Variants in ZNF407 observed in about 807,000 individuals in gnomAD.
ZNF407 encodes the protein zinc finger protein 407.
In ZNF407, 17 loss-of-function variants were observed where a neutral mutation model predicts 131.2. That is an observed-to-expected ratio of 0.13 (90% CI 0.09 to 0.19). The LOEUF is 0.19. Among genes scored for constraint, ZNF407 ranks in the 10% least tolerant of loss-of-function variants. The pLI, the probability that ZNF407 is intolerant of heterozygous loss-of-function variation, is 1.00. For missense variants in ZNF407, 2,681 were observed against 2,830.6 expected (o/e 0.95, Z 1.20); for synonymous variants, 1,156 against 1,062.0 (o/e 1.09, Z -1.72).
chr18:74,801,593 T>C (rs74948340), intron 4 of ZNF407, among the ~76,000 whole-genome samples: 1,675 of 152,354 alleles, frequency 0.011, 29 homozygotes, highest in African/African-American at 0.037. Context: ...TATCTACTTA[T>C]CCCACCTGTA....
chr18:74,664,311 C>T (rs1472142312), intron 3 of ZNF407, among the ~76,000 whole-genome samples: 5 of 152,174 alleles, frequency 3.3e-5, no homozygotes, highest in African/African-American at 1.2e-4. Context: ...GCCAGCCTGG[C>T]CAACATGGTG....
intron 8 of ZNF407, among the ~76,000 whole-genome samples, chr18:74,936,038 A>G (rs542715965): frequency 6.6e-6 from 1 of 152,362 alleles, no homozygotes; most frequent in East Asian, 1.9e-4. Context: ...GGTTTTAGAT[A>G]TAATTCTGTG....
intron 3 of ZNF407, among the ~76,000 whole-genome samples, chr18:74,652,907 C>T (rs756407667): frequency 1.3e-5 from 2 of 151,956 alleles, no homozygotes; most frequent in Non-Finnish European, 2.9e-5. Flanking sequence ...CATTTCAAAT[C>T]AGTCATATAA....
At chr18:74,930,424 A>T (rs1271093874) in intron 8 of ZNF407, among the ~76,000 whole-genome samples, 1 of 152,124 alleles carries the variant, frequency 6.6e-6, no homozygotes, top group Non-Finnish European at 1.5e-5. Flanking sequence ...TCTTGGAGAG[A>T]GCCTTTCAGA....
intron 1 of ZNF407, among the ~76,000 whole-genome samples, chr18:74,619,474 C>T (rs1381631078): frequency 2.6e-5 from 4 of 152,136 alleles, no homozygotes; most frequent in Non-Finnish European, 4.4e-5. Flanking sequence ...GCTTTATCCT[C>T]TTGCCTTTTG....
intron 8 of ZNF407, among the ~76,000 whole-genome samples, chr18:75,011,465 C>A (rs1972973571): frequency 6.6e-6 from 1 of 152,032 alleles, no homozygotes; most frequent in Admixed American, 6.6e-5. Context: ...TACAAATGAA[C>A]ATTTGGGGTT....
chr18:74,876,109 G>A (rs1196429399), intron 4 of ZNF407, among the ~76,000 whole-genome samples: 1 of 152,170 alleles, frequency 6.6e-6, no homozygotes, highest in Admixed American at 6.5e-5. Flanking sequence ...AAGACTCTAT[G>A]TGAAAGTATA....
chr18:74,785,057 T>G (rs989751200), intron 4 of ZNF407, among the ~76,000 whole-genome samples: 9 of 152,230 alleles, frequency 5.9e-5, no homozygotes, highest in Admixed American at 3.3e-4. Flanking sequence ...AGAAGGCTGA[T>G]AAACTCAGAA....
chr18:74,674,969 G>A lies in ZNF407; in HGVS notation c.4802+33847G>A, dbSNP rs1291351661. 5.9e-5 allele frequency among the ~76,000 whole-genome samples: 9 copies of A among 152,260 alleles called. No homozygotes were observed. The East Asian group carries it at 1.3e-3, about 23-fold the overall frequency. On this transcript the variant is annotated intron_variant, in intron 3 of 8. Transcript: ENST00000299687. ...TTTTTTCTTTGGGCACCAGACTTGTGCATTTTATTGCTTATTTGAAATGTT... is the reference window on the plus strand; with the variant it reads ...TTTTTTCTTTGGGCACCAGACTTGTACATTTTATTGCTTATTTGAAATGTT...
chr18:74,902,413 A>G (rs929036442), intron 7 of ZNF407, among the ~76,000 whole-genome samples: 1 of 152,218 alleles, frequency 6.6e-6, no homozygotes, highest in Non-Finnish European at 1.5e-5. Context: ...GGAGTCGAAG[A>G]GAATAGAAAT....
At chr18:74,737,049 C>G (rs889278015) in intron 3 of ZNF407, among the ~76,000 whole-genome samples, 1 of 151,982 alleles carries the variant, frequency 6.6e-6, no homozygotes, top group Admixed American at 6.5e-5. Flanking sequence ...AAAACTAGGT[C>G]GAAATGAAAA....
chr18:74,816,919 T>C (rs1258916238), intron 4 of ZNF407, among the ~76,000 whole-genome samples: 1 of 152,210 alleles, frequency 6.6e-6, no homozygotes, highest in Non-Finnish European at 1.5e-5. Context: ...CTGTTAAAAT[T>C]GCTAAGGATC....
At chr18:74,943,223 C>T (rs1972119934) in intron 8 of ZNF407, among the ~76,000 whole-genome samples, 1 of 152,114 alleles carries the variant, frequency 6.6e-6, no homozygotes, top group Admixed American at 6.6e-5. Context: ...GCCAAAAAAT[C>T]CATTTTTTAA....
At chr18:74,741,234 A>G (rs1486844417) in intron 3 of ZNF407, among the ~76,000 whole-genome samples, 1 of 152,176 alleles carries the variant, frequency 6.6e-6, no homozygotes, top group African/African-American at 2.4e-5. Context: ...TTTTGTATAT[A>G]TACATATATA....
intron 4 of ZNF407, among the ~76,000 whole-genome samples, chr18:74,844,583 T>C: frequency 6.6e-6 from 1 of 152,314 alleles, no homozygotes; most frequent in East Asian, 1.9e-4. Context: ...GATACATATT[T>C]ATATACACAT....
chr18:74,614,844 A>G (rs1269763113), intron 1 of ZNF407, among the ~76,000 whole-genome samples: 3 of 152,234 alleles, frequency 2.0e-5, no homozygotes, highest in Non-Finnish European at 4.4e-5. Flanking sequence ...TGTAAAGGCT[A>G]AAAGCCTTCA....
At chr18:74,976,814 C>A (rs866394866) in intron 8 of ZNF407, among the ~76,000 whole-genome samples, 1 of 152,192 alleles carries the variant, frequency 6.6e-6, no homozygotes, top group African/African-American at 2.4e-5. Flanking sequence ...GTCACATGTT[C>A]GTGTCATGTG....
At chr18:74,956,774 A>C (rs1162789038) in intron 8 of ZNF407, among the ~76,000 whole-genome samples, 1 of 152,122 alleles carries the variant, frequency 6.6e-6, no homozygotes, top group Non-Finnish European at 1.5e-5. Flanking sequence ...CAGGGCTTTC[A>C]TGGCTGGACG....
At chr18:74,929,411 T>C (rs1336553322) in intron 8 of ZNF407, among the ~76,000 whole-genome samples, 2 of 152,114 alleles carry the variant, frequency 1.3e-5, no homozygotes, top group African/African-American at 2.4e-5. Context: ...GTAAACAAAA[T>C]TGAAAATCGT....
Sources: allele counts gnomAD v4.1 joint callset (sites outside exome capture counted in the v4.1 genomes callset), GRCh38; gene constraint gnomAD v4.1.1; transcripts MANE v1.5; gene names NCBI Gene and HGNC (gene_info 2026-07-23, HGNC 2026-07-21).